ADCY2: variants seen among roughly 807,000 people sequenced by gnomAD.
ADCY2 encodes adenylate cyclase type 2.
In ADCY2, 31 loss-of-function variants were observed where a neutral mutation model predicts 125.2. The ratio of observed to expected loss-of-function variants is 0.25; its 90% confidence interval spans 0.19 to 0.33. ADCY2 has a LOEUF of 0.33. ADCY2 is among the 10% of genes least tolerant of loss of function. ADCY2 has a pLI of 1.00. For synonymous variants in ADCY2, 512 were observed against 548.4 expected (o/e 0.93, Z 0.93); for missense variants, 904 against 1,418.2 (o/e 0.64, Z 5.82).
chr5:7,787,410 A>G (rs981167934), intron 19 of ADCY2, among the ~76,000 whole-genome samples: 1 of 152,252 alleles, frequency 6.6e-6, no homozygotes, highest in East Asian at 1.9e-4. Context: ...GAGATCTTTA[A>G]CTGAATCACA....
intron 2 of ADCY2, among the ~76,000 whole-genome samples, chr5:7,448,460 G>C (rs1032622614): frequency 6.6e-6 from 1 of 152,040 alleles, no homozygotes; most frequent in Non-Finnish European, 1.5e-5. Flanking sequence ...GTGTTGATCA[G>C]ATTCATTCAT....
rs1013680862 is a variant in ADCY2 at position 7,560,740 on chromosome 5, G to C, written c.570+39841G>C. 2.6e-5 allele frequency among the ~76,000 whole-genome samples: 4 copies of C among 151,898 alleles called. No individual in the cohort carries two copies. In the East Asian group the frequency reaches 7.7e-4, roughly 29 times the overall value. On this transcript the variant is annotated intron_variant, in intron 3 of 24. Transcript: ENST00000338316. The stretch of plus-strand genomic sequence containing the variant: ...TTCTTGCTCTGTCACCCAGGCTGGA[G>C]TGCAGTGGTGCCATGTCAGCTCACT...
In ADCY2 at chr5:7,772,828, A is replaced by G. The variant is rs1361508654; in HGVS notation, c.2215-104A>G. Reference sequence around the variant, plus strand: ...AAGCCTCTGTTTTCACAGCCACCTTATATGTTGACCAGATGAGATGGGCGG... The same window carrying G: ...AAGCCTCTGTTTTCACAGCCACCTTGTATGTTGACCAGATGAGATGGGCGG... On this transcript the variant is annotated intron_variant, in intron 17 of 24. Coordinates refer to ENST00000338316, the MANE Select transcript of ADCY2 (RefSeq NM_020546.3). The G allele has an allele frequency of 1.0e-5, 11 of 1,086,358 alleles. No homozygotes were observed. The South Asian group carries it at 1.6e-4, about 16-fold the overall frequency. 67.3% of individuals were successfully genotyped at this position (1,086,358 alleles called of 1,614,324 possible). A position where few individuals can be genotyped will look rare whatever the true frequency, so the allele number is the denominator to read the frequency against.
chr5:7,545,993 A>G (rs915174917), intron 3 of ADCY2, among the ~76,000 whole-genome samples: 1 of 152,144 alleles, frequency 6.6e-6, no homozygotes, highest in Non-Finnish European at 1.5e-5. Context: ...TTCCAGAACT[A>G]TTGACAGAAA....
At chr5:7,566,386 C>T (rs1579579900) in intron 3 of ADCY2, among the ~76,000 whole-genome samples, 2 of 152,264 alleles carry the variant, frequency 1.3e-5, no homozygotes, top group East Asian at 3.9e-4. Context: ...GTCCCAGCTA[C>T]TTGGGTGGCC....
chr5:7,655,226 TG>T, intron 4 of ADCY2, among the ~76,000 whole-genome samples: 1 of 152,316 alleles, frequency 6.6e-6, no homozygotes, highest in South Asian at 2.1e-4. Flanking sequence ...TTTTGTTGCT[TG>T]TGTTGTTATT....
intron 2 of ADCY2, among the ~76,000 whole-genome samples, chr5:7,513,321 A>G (rs1744142038): frequency 6.6e-6 from 1 of 152,206 alleles, no homozygotes. Flanking sequence ...ATTTGTATGA[A>G]AAGAACTTGT....
At chr5:7,539,852 G>A (rs1734937753) in intron 3 of ADCY2, among the ~76,000 whole-genome samples, 1 of 152,226 alleles carries the variant, frequency 6.6e-6, no homozygotes, top group South Asian at 2.1e-4. Context: ...CCATGGGCCT[G>A]CTCTAGGATA....
chr5:7,674,314 A>C (rs1281670633), intron 4 of ADCY2, among the ~76,000 whole-genome samples: 1 of 152,066 alleles, frequency 6.6e-6, no homozygotes, highest in Non-Finnish European at 1.5e-5. Context: ...GGGTGGGTGC[A>C]GTTTACGTAC....
chr5:7,461,777 A>G (rs1017926096), intron 2 of ADCY2, among the ~76,000 whole-genome samples: 1 of 152,374 alleles, frequency 6.6e-6, no homozygotes, highest in Middle Eastern at 3.4e-3. Flanking sequence ...AATGCTGGTT[A>G]CACTGTCCAA....
At chr5:7,596,494 A>C in intron 3 of ADCY2, among the ~76,000 whole-genome samples, 1 of 152,204 alleles carries the variant, frequency 6.6e-6, no homozygotes, top group East Asian at 1.9e-4. Flanking sequence ...ATGACAACAA[A>C]ATTTCTAAAA....
At chr5:7,690,458 T>C (rs1579319339) in intron 4 of ADCY2, 1 of 338,014 alleles carries the variant, frequency 3.0e-6, no homozygotes, top group Non-Finnish European at 5.3e-6. Context: ...TTATTCTTCA[T>C]ACTGAAGAAC....
At chr5:7,763,051 TTTTG>T (rs200662811) in intron 16 of ADCY2, among the ~76,000 whole-genome samples, 22,405 of 150,556 alleles carry the variant, frequency 0.15, 2,330 homozygotes, top group East Asian at 0.61. Flanking sequence ...TCTTTGTTTT[TTTTG>T]TTTGTTTGTT....
intron 1 of ADCY2, among the ~76,000 whole-genome samples, chr5:7,397,452 T>TG (rs1465040333): frequency 1.2e-3 from 172 of 143,386 alleles, no homozygotes; most frequent in South Asian, 7.1e-3. Flanking sequence ...TGAGTTTTTT[T>TG]TTTTTTTTTT....
chr5:7,593,462 C>T (rs1439980393), intron 3 of ADCY2, among the ~76,000 whole-genome samples: 1 of 152,106 alleles, frequency 6.6e-6, no homozygotes, highest in East Asian at 1.9e-4. Flanking sequence ...CCTCTGCCAA[C>T]CCCATGAGCG....
intron 3 of ADCY2, among the ~76,000 whole-genome samples, chr5:7,604,296 T>C (rs1267805180): frequency 7.2e-5 from 1 of 13,918 alleles, no homozygotes; most frequent in East Asian, 1.7e-3. Context: ...TGTGTCTTTA[T>C]AGCAGCATGA....
chr5:7,671,555 TG>T (rs970364968), intron 4 of ADCY2, among the ~76,000 whole-genome samples: 3 of 152,194 alleles, frequency 2.0e-5, no homozygotes, highest in African/African-American at 7.2e-5. Flanking sequence ...TTGTTCACTA[TG>T]AGTGTGGTGG....
rs60488510 is a variant in ADCY2 at position 7,448,128 on chromosome 5, C to A, written c.408+33358C>A. Among the ~76,000 whole-genome samples, 190 of 152,316 alleles carry A rather than the reference C, an allele frequency of 1.2e-3. 1 individual carries two copies. Among genetic ancestry groups the A allele is most frequent in the African/African-American group, 4.1e-3 (172 of 41,570 alleles). On this transcript the variant is annotated intron_variant, in intron 2 of 24. Transcript: ENST00000338316. ...CTGGGGACACCTGGAACTCTGGCTTCTTCTAATCCCACAAGACCCTGAGGT... is the reference window on the plus strand; with the variant it reads ...CTGGGGACACCTGGAACTCTGGCTTATTCTAATCCCACAAGACCCTGAGGT...
chr5:7,447,292 A>G (rs902522), intron 2 of ADCY2, among the ~76,000 whole-genome samples: 101,722 of 152,108 alleles, frequency 0.67, 34,449 homozygotes, highest in African/African-American at 0.77. Flanking sequence ...GGCCCTGCAC[A>G]CTGAGGTCTA....
Sources: gnomAD v4.1 joint callset for allele counts (sites outside exome capture counted in the v4.1 genomes callset) on GRCh38, gnomAD v4.1.1 for gene constraint, MANE v1.5 for transcripts, NCBI Gene and HGNC (gene_info 2026-07-23, HGNC 2026-07-21) for gene names.